The following CRPPA variants were observed in gnomAD, a reference collection of about 807,000 sequenced individuals.
CRPPA encodes D-ribitol-5-phosphate cytidylyltransferase.
A neutral mutation model predicts 52.0 loss-of-function variants in CRPPA; 43 were observed. The ratio of observed to expected loss-of-function variants is 0.83; its 90% CI spans 0.65 to 1.07. CRPPA has a LOEUF of 1.07. Ranked by LOEUF, CRPPA falls within the 50% of genes least tolerant of loss-of-function variation. CRPPA has a pLI of 0.00. For missense variants in CRPPA, 629 were observed against 551.7 expected (o/e 1.14, Z -1.40); for synonymous variants, 250 against 203.5 (o/e 1.23, Z -1.94).
intron 3 of CRPPA, among the ~76,000 whole-genome samples, chr7:16,358,048 G>C (rs1786348996): frequency 6.6e-6 from 1 of 152,190 alleles, no homozygotes; most frequent in Admixed American, 6.5e-5. Context: ...GCAAAATGAG[G>C]CTGGCAGGCA....
chr7:16,323,011 G>C (rs1481807236), intron 3 of CRPPA, among the ~76,000 whole-genome samples: 1 of 152,070 alleles, frequency 6.6e-6, no homozygotes, highest in Non-Finnish European at 1.5e-5. Context: ...TCACTATCAT[G>C]AGAACAGCAT....
intron 6 of CRPPA, chr7:16,270,723 T>C (rs1420123268): frequency 5.3e-5 from 8 of 152,310 alleles, no homozygotes; most frequent in South Asian, 2.1e-4. Context: ...TGTTATTTCA[T>C]TGTTATTAAC....
intron 8 of CRPPA, among the ~76,000 whole-genome samples, chr7:16,248,421 C>T (rs1783341007): frequency 2.0e-5 from 3 of 152,226 alleles, no homozygotes; most frequent in South Asian, 4.2e-4. Context: ...AAAAGGAAAA[C>T]TCACAGGTGG....
intron 9 of CRPPA, among the ~76,000 whole-genome samples, chr7:16,154,742 T>C (rs2128379917): frequency 6.6e-6 from 1 of 152,126 alleles, no homozygotes; most frequent in Middle Eastern, 3.4e-3. Flanking sequence ...TTAAATACTA[T>C]TAATTTTATT....
At chr7:16,179,194 C>T (rs951777205) in intron 9 of CRPPA, among the ~76,000 whole-genome samples, 1 of 152,062 alleles carries the variant, frequency 6.6e-6, no homozygotes, top group Non-Finnish European at 1.5e-5. Flanking sequence ...CTCTCTGAAA[C>T]TCTAGCATTG....
At chr7:16,389,928 A>AAAAAAAAAAATATAT in intron 2 of CRPPA, among the ~76,000 whole-genome samples, 2 of 29,758 alleles carry the variant, frequency 6.7e-5, no homozygotes, top group African/African-American at 3.5e-4. Context: ...AAAAAAAAAA[A>AAAAAAAAAAATATAT]ATATATATAT....
At chr7:16,131,385 A>G (rs1436732191) in intron 9 of CRPPA, among the ~76,000 whole-genome samples, 1 of 152,198 alleles carries the variant, frequency 6.6e-6, no homozygotes. Flanking sequence ...AGTAATTCTA[A>G]TGAAGTCTGA....
At chr7:16,116,020 A>G (rs1333612719) in intron 9 of CRPPA, among the ~76,000 whole-genome samples, 1 of 152,230 alleles carries the variant, frequency 6.6e-6, no homozygotes, top group Non-Finnish European at 1.5e-5. Flanking sequence ...GTTTCCAACA[A>G]GAATCATTGA....
intron 6 of CRPPA, among the ~76,000 whole-genome samples, chr7:16,275,197 A>T (rs1784176254): frequency 6.6e-6 from 1 of 152,214 alleles, no homozygotes; most frequent in Admixed American, 6.5e-5. Flanking sequence ...CAAAATCATC[A>T]TCAGATACTT....
At position 16,336,251 on chromosome 7, in the gene CRPPA, C is replaced by T. The variant is rs559187431; in HGVS notation, c.685-27624G>A. Reference sequence around the variant, plus strand: ...GGGTAATGTATAAACCAAATTAATCCCTTTTAAAAGAGTTAAAAGACAAAA... The same window carrying T: ...GGGTAATGTATAAACCAAATTAATCTCTTTTAAAAGAGTTAAAAGACAAAA... On this transcript the variant is annotated intron_variant, in intron 3 of 9. Coordinates refer to ENST00000407010, the MANE Select transcript of CRPPA (RefSeq NM_001101426.4). Among the ~76,000 whole-genome samples the T allele has an allele frequency of 3.8e-4, 58 of 151,938 alleles. No individual in the cohort carries two copies. In the Middle Eastern group the frequency reaches 0.01, roughly 27 times the overall value.
At chr7:16,306,034 T>C (rs1784903376) in intron 4 of CRPPA, among the ~76,000 whole-genome samples, 1 of 152,208 alleles carries the variant, frequency 6.6e-6, no homozygotes, top group Non-Finnish European at 1.5e-5. Context: ...CTGCCATTCC[T>C]TGGCTTGCAG....
intron 8 of CRPPA, among the ~76,000 whole-genome samples, chr7:16,220,519 T>C (rs1388774000): frequency 1.1e-5 from 1 of 92,674 alleles, no homozygotes; most frequent in Non-Finnish European, 2.2e-5. Flanking sequence ...TGTTTGCAGA[T>C]GACATGATTG....
chr7:16,227,654 G>A (rs187743033), intron 8 of CRPPA, among the ~76,000 whole-genome samples: 150 of 151,868 alleles, frequency 9.9e-4, no homozygotes, highest in Middle Eastern at 6.8e-3. Context: ...CATATGAGAT[G>A]TATGTATAGT....
chr7:16,334,247 A>T (rs905124698), intron 3 of CRPPA, among the ~76,000 whole-genome samples: 9 of 152,160 alleles, frequency 5.9e-5, no homozygotes, highest in African/African-American at 1.9e-4. Context: ...TCAAGAAGCA[A>T]CTACAGGTCA....
At chr7:16,324,296 T>G (rs549020197) in intron 3 of CRPPA, among the ~76,000 whole-genome samples, 1 of 152,282 alleles carries the variant, frequency 6.6e-6, no homozygotes, top group Middle Eastern at 3.4e-3. Flanking sequence ...GAGCCACTGT[T>G]TAAAGGTAAT....
chr7:16,108,385 A>T (rs1412509884), intron 9 of CRPPA, among the ~76,000 whole-genome samples: 1 of 151,976 alleles, frequency 6.6e-6, no homozygotes, highest in Non-Finnish European at 1.5e-5. Context: ...GATATTATAA[A>T]TAATAAAGGG....
At chr7:16,093,412 C>A (rs1222299638) in intron 9 of CRPPA, among the ~76,000 whole-genome samples, 2 of 152,098 alleles carry the variant, frequency 1.3e-5, no homozygotes, top group Non-Finnish European at 2.9e-5. Context: ...TCACCACAAC[C>A]ATTACATGCT....
chr7:16,187,366 T>C (rs1187836311), intron 9 of CRPPA, among the ~76,000 whole-genome samples: 4 of 152,218 alleles, frequency 2.6e-5, no homozygotes, highest in Non-Finnish European at 5.9e-5. Context: ...TGTGTAACAA[T>C]ATGTATATTT....
chr7:16,271,754 A>G (rs867183338), intron 6 of CRPPA, among the ~76,000 whole-genome samples: 8 of 152,188 alleles, frequency 5.3e-5, no homozygotes, highest in South Asian at 2.1e-4. Context: ...ATATAAGCAC[A>G]GTTATGTTTT....
Sources: allele counts gnomAD v4.1 joint callset (sites outside exome capture counted in the v4.1 genomes callset), GRCh38; gene constraint gnomAD v4.1.1; transcripts MANE v1.5; gene names NCBI Gene and HGNC (gene_info 2026-07-23, HGNC 2026-07-21).